Variants in CLEC1B observed in about 807,000 individuals in gnomAD.
CLEC1B encodes C-type lectin domain family 1 member B.
In CLEC1B, 26 loss-of-function variants were observed where a neutral mutation model predicts 26.7. The observed-to-expected ratio is 0.97, with a 90% CI of 0.71 to 1.35. The LOEUF (loss-of-function observed/expected upper bound fraction) is 1.35. CLEC1B is among the 40% of genes most tolerant of loss of function. The pLI, the probability that CLEC1B is intolerant of heterozygous loss-of-function variation, is 0.00. For synonymous variants in CLEC1B, 112 were observed against 96.0 expected (o/e 1.17, Z -0.97); for missense variants, 293 against 282.6 (o/e 1.04, Z -0.26).
Position 9,995,176 on chromosome 12 carries a change from C to G in CLEC1B, c.509G>C (p.Trp170Ser), listed in dbSNP as rs201431937. ...GATAACCGAGCCATCCTCCCACTTC[C>G]AGACCTCATTCGACTTCTGGCGAGA... is the stretch of plus-strand genomic sequence containing the variant. The part of the protein sequence containing the change: ...GLSRQKSNEV[W>S]KWEDGSVISE... The change falls in exon 5 of 6, where the codon TGG becomes TCG. Residue 170 changes from tryptophan to serine, a missense_variant. By Grantham distance (177) the Trp-to-Ser change is radical. Transcript: ENST00000298527. 806 of 1,613,026 alleles carry G rather than the reference C, an allele frequency of 5.0e-4. No homozygotes were observed. Among genetic ancestry groups the G allele is most frequent in the Non-Finnish European group, 6.3e-4 (744 of 1,179,234 alleles).
At chr12:10,000,694 T>C (rs1029611759), upstream of CLEC1B, among the ~76,000 whole-genome samples, 3 of 152,232 alleles carry the variant, frequency 2.0e-5, no homozygotes, top group Non-Finnish European at 4.4e-5. Context: ...TCATAACTTC[T>C]GTTTCAGCTA....
chr12:9,997,249 T>C lies in CLEC1B; in HGVS notation c.194A>G (p.Glu65Gly), dbSNP rs776714738. The C allele has an allele frequency of 1.5e-5, 25 of 1,613,214 alleles. 1 individual carries two copies. In the East Asian group the frequency reaches 5.6e-4, roughly 36 times the overall value. The change falls in exon 3 of 6, where the codon GAG (glutamate) becomes GGG (glycine). Residue 65 changes from glutamate (E) to glycine (G), a missense_variant. Transcript: ENST00000298527. ...CAGAGTTCCTGTGCGATTTTCATTC[T>C]CACCTTGTAGGTAATTGCGCTGCAT... ...SVMQRNYLQG[E>G]NENRTGTLQQ...
At chr12:10,001,067 T>G (rs1334674120), upstream of CLEC1B, among the ~76,000 whole-genome samples, 1 of 152,220 alleles carries the variant, frequency 6.6e-6, no homozygotes, top group East Asian at 1.9e-4. Flanking sequence ...TTTGTTACAT[T>G]AAATCAGATA....
intron 1 of CLEC1B, 30 bp downstream of exon 1, chr12:9,999,007 T>G: frequency 1.5e-6 from 2 of 1,305,410 alleles, no homozygotes; most frequent in Middle Eastern, 1.9e-4. Context: ...TTAAATTAAT[T>G]TCCAAATTAT....
At chr12:9,993,633 G>A (rs1028152062) in intron 5 of CLEC1B, among the ~76,000 whole-genome samples, 11 of 151,960 alleles carry the variant, frequency 7.2e-5, no homozygotes, top group South Asian at 2.1e-4. Context: ...GGAAGGTCAG[G>A]ACTCAGATGA....
chr12:9,994,953 G>A (rs1591848864), intron 5 of CLEC1B, 187 bp downstream of exon 5: 1 of 1,452,288 alleles, frequency 6.9e-7, no homozygotes, highest in Non-Finnish European at 9.2e-7. Context: ...CTTAGATAAA[G>A]AGCAAAGTAA....
upstream of CLEC1B, among the ~76,000 whole-genome samples, chr12:10,000,238 C>T (rs1469036736): frequency 6.6e-6 from 1 of 152,188 alleles, no homozygotes; most frequent in Non-Finnish European, 1.5e-5. Flanking sequence ...ATTATGTGGG[C>T]TGCAGTAGCA....
Position 9,996,923 on chromosome 12 carries a change from A to G in CLEC1B, c.361T>C (p.Leu121=). 5 of 1,614,088 alleles carry G rather than the reference A, an allele frequency of 3.1e-6. No homozygotes were observed. Among genetic ancestry groups the G allele is most frequent in the South Asian group, 1.1e-5 (1 of 91,080 alleles). Residue 121 remains leucine (L), a synonymous_variant, in exon 4 of 6, where the codon TTA becomes CTA. Transcript: ENST00000298527. ...DSCYGFFRHN[L]TWEESKQYCT... Reference sequence around the variant, plus strand: ...TACTGCTTACTCTCTTCCCATGTTAAGTTGTGCCTGAAGAACCCATAGCAG... The same window carrying G: ...TACTGCTTACTCTCTTCCCATGTTAGGTTGTGCCTGAAGAACCCATAGCAG...
chr12:9,993,386 A>T, intron 5 of CLEC1B, 99 bp from the exon 6 acceptor site: 5 of 678,588 alleles, frequency 7.4e-6, no homozygotes, highest in African/African-American at 2.8e-5. Context: ...ATAGAGACTG[A>T]GGAAAATAGG....
At chr12:9,994,740 A>G (rs1005790674) in intron 5 of CLEC1B, among the ~76,000 whole-genome samples, 1 of 152,164 alleles carries the variant, frequency 6.6e-6, no homozygotes, top group Non-Finnish European at 1.5e-5. Flanking sequence ...ACAACTTTCA[A>G]CTGTAAAATA....
chr12:9,998,526 A>G (rs1197898288), intron 1 of CLEC1B, 146 bp from the exon 2 acceptor site: 1 of 521,416 alleles, frequency 1.9e-6, no homozygotes, highest in Non-Finnish European at 3.6e-6. Context: ...TGTTCTCCTC[A>G]TGATCATCAA....
At chr12:9,993,914 G>C (rs1476592850) in intron 5 of CLEC1B, among the ~76,000 whole-genome samples, 1 of 152,084 alleles carries the variant, frequency 6.6e-6, no homozygotes, top group African/African-American at 2.4e-5. Flanking sequence ...TATGTGCTGA[G>C]GATACACTGA....
At chr12:9,999,170 T>C (rs1865125185), upstream of CLEC1B, 3 of 946,434 alleles carry the variant, frequency 3.2e-6, no homozygotes, top group Non-Finnish European at 5.1e-6. Context: ...AACTTTACAA[T>C]TTCAGTATCT....
chr12:9,998,627 G>T (rs1865111152), intron 1 of CLEC1B, among the ~76,000 whole-genome samples: 1 of 107,544 alleles, frequency 9.3e-6, no homozygotes, highest in Non-Finnish European at 2.0e-5. Context: ...TGCTGTTAAG[G>T]CCTGATGTGT....
At chr12:9,995,312 G>T (rs753499104) in intron 4 of CLEC1B, 66 bp from the exon 5 acceptor site, 73 of 1,356,262 alleles carry the variant, frequency 5.4e-5, no homozygotes, top group Non-Finnish European at 6.8e-5. Context: ...GATAGACAAA[G>T]CTTCATGATA....
intron 4 of CLEC1B, among the ~76,000 whole-genome samples, chr12:9,996,277 C>G (rs1865044677): frequency 6.6e-6 from 1 of 152,004 alleles, no homozygotes; most frequent in Admixed American, 6.6e-5. Flanking sequence ...TAAATTCTAC[C>G]TGAAATCCAA....
intron 4 of CLEC1B, 72 bp from the exon 5 acceptor site, chr12:9,995,318 T>C (rs1654373766): frequency 1.5e-6 from 2 of 1,299,660 alleles, no homozygotes; most frequent in South Asian, 1.2e-5. Context: ...CAAAGCTTCA[T>C]GATAAGACGT....
At chr12:9,993,637 C>T (rs617956) in intron 5 of CLEC1B, among the ~76,000 whole-genome samples, 72,650 of 151,678 alleles carry the variant, frequency 0.48, 17,857 homozygotes, top group East Asian at 0.71. Context: ...GGTCAGGACT[C>T]AGATGAACTG....
At chr12:9,997,046 C>T (rs1218047490) in intron 3 of CLEC1B, 46 bp from the exon 4 acceptor site, 2 of 1,610,296 alleles carry the variant, frequency 1.2e-6, no homozygotes, top group Non-Finnish European at 1.7e-6. Flanking sequence ...CTAAATTGGG[C>T]TTACATTTTC....
Sources: gnomAD v4.1 joint callset for allele counts (sites outside exome capture counted in the v4.1 genomes callset) on GRCh38, gnomAD v4.1.1 for gene constraint, MANE v1.5 for transcripts, NCBI Gene and HGNC (gene_info 2026-07-23, HGNC 2026-07-21) for gene names.